The following RUNDC3B variants were observed in gnomAD, a reference collection of about 807,000 sequenced individuals.
The protein encoded by RUNDC3B is RUN domain containing 3B, also known as RUN domain-containing protein 3B.
A neutral mutation model predicts 58.4 loss-of-function variants in RUNDC3B; 33 were observed. That is an observed-to-expected ratio of 0.56 (90% CI 0.43 to 0.75). The LOEUF is 0.75. Ranked by LOEUF, RUNDC3B falls within the 30% of genes least tolerant of loss-of-function variation. RUNDC3B has a pLI of 0.00. For synonymous variants in RUNDC3B, 193 were observed against 195.2 expected (o/e 0.99, Z 0.10); for missense variants, 501 against 535.7 (o/e 0.94, Z 0.64).
chr7:87,734,845 C>T (rs1228454411), intron 4 of RUNDC3B, among the ~76,000 whole-genome samples: 2 of 152,218 alleles, frequency 1.3e-5, no homozygotes, highest in East Asian at 3.8e-4. Flanking sequence ...TTGAAAAAAT[C>T]TCTTCACCTT....
At position 87,710,641 on chromosome 7, in the gene RUNDC3B, C is replaced by T; in HGVS notation, c.444C>T (p.Asp148=). The T allele has an allele frequency of 6.3e-7, 1 of 1,582,686 alleles. No individual in the cohort carries two copies. The highest frequency in any genetic ancestry group is 1.8e-4 in the Middle Eastern group (1 of 5,436). Residue 148 remains aspartate (D), a synonymous_variant, in exon 4 of 11, where the codon GAC becomes GAT. Transcript: ENST00000394654. ...LSEYISTALR[D]FKTTRRFYED... is the part of the protein sequence containing the mutation. Reference sequence around the variant, plus strand: ...AATACATCTCTACAGCTCTGAGAGACTTCAAAACAACCAGGTTTAAAAGTC... The same window carrying T: ...AATACATCTCTACAGCTCTGAGAGATTTCAAAACAACCAGGTTTAAAAGTC...
Position 87,816,249 on chromosome 7 carries a change from T to C in RUNDC3B, c.1212T>C (p.Asn404=), listed in dbSNP as rs769658248. 2.5e-5 allele frequency: 41 copies of C among 1,610,796 alleles called. No homozygotes were observed. Among genetic ancestry groups the C allele is most frequent in the Middle Eastern group, 3.3e-4 (2 of 6,072 alleles). ...GAGATGGAAAACAAGACACATTAAA[T>C]GTAATGAGTGAAGGTAAGAAAACAA... ...QEGDGKQDTL[N]VMSEGKEDTP... Residue 404 remains asparagine, a synonymous_variant, in exon 10 of 11, where the codon AAT becomes AAC. Transcript: ENST00000394654.
intron 8 of RUNDC3B, among the ~76,000 whole-genome samples, chr7:87,793,823 G>T (rs1272989208): frequency 6.6e-6 from 1 of 152,094 alleles, no homozygotes; most frequent in Non-Finnish European, 1.5e-5. Flanking sequence ...AGTACTGGAA[G>T]TCCTAGCTAG....
At chr7:87,695,731 G>T (rs1474967044) in intron 2 of RUNDC3B, among the ~76,000 whole-genome samples, 1 of 152,072 alleles carries the variant, frequency 6.6e-6, no homozygotes, top group African/African-American at 2.4e-5. Context: ...ATTATGAAAA[G>T]ATCTTGTGTC....
chr7:87,665,001 C>T (rs992003031), intron 2 of RUNDC3B, among the ~76,000 whole-genome samples: 1 of 152,090 alleles, frequency 6.6e-6, no homozygotes, highest in African/African-American at 2.4e-5. Flanking sequence ...GCATCATATT[C>T]AGTGGTAAAA....
At chr7:87,737,634 A>G (rs1832064991) in intron 4 of RUNDC3B, among the ~76,000 whole-genome samples, 1 of 152,092 alleles carries the variant, frequency 6.6e-6, no homozygotes, top group African/African-American at 2.4e-5. Flanking sequence ...CTGAAAAATA[A>G]TGTTTTTCTT....
chr7:87,798,959 A>G (rs1199493320), intron 8 of RUNDC3B, among the ~76,000 whole-genome samples: 1 of 152,210 alleles, frequency 6.6e-6, no homozygotes, highest in Non-Finnish European at 1.5e-5. Flanking sequence ...TTATCCCATG[A>G]CTATGTCTAA....
At chr7:87,751,054 G>T (rs1832951303) in intron 6 of RUNDC3B, among the ~76,000 whole-genome samples, 1 of 152,092 alleles carries the variant, frequency 6.6e-6, no homozygotes, top group Non-Finnish European at 1.5e-5. Context: ...ATTGATTTTT[G>T]TATAAGGTGT....
At chr7:87,668,661 T>G (rs944894779) in intron 2 of RUNDC3B, among the ~76,000 whole-genome samples, 1 of 152,158 alleles carries the variant, frequency 6.6e-6, no homozygotes, top group Admixed American at 6.6e-5. Context: ...GTCTCAGAGA[T>G]TCTGGTATGT....
At chr7:87,766,923 G>A (rs1289912635) in intron 6 of RUNDC3B, among the ~76,000 whole-genome samples, 5 of 151,994 alleles carry the variant, frequency 3.3e-5, no homozygotes, top group African/African-American at 1.2e-4. Context: ...AATGTTTCTT[G>A]AAGGCTTTGT....
intron 2 of RUNDC3B, among the ~76,000 whole-genome samples, chr7:87,667,941 A>G (rs1825431609): frequency 6.6e-6 from 1 of 151,732 alleles, no homozygotes; most frequent in Admixed American, 6.6e-5. Context: ...TCAGCCTGAA[A>G]TTTTCTTTTT....
Position 87,807,492 on chromosome 7 carries a change from A to G in RUNDC3B, c.1076A>G (p.Tyr359Cys). 6.2e-7 allele frequency: 1 copy of G among 1,613,686 alleles called. No individual in the cohort carries two copies. Among genetic ancestry groups the G allele is most frequent in the Middle Eastern group, 1.7e-4 (1 of 6,060 alleles). Residue 359 changes from tyrosine (Y) to cysteine (C), a missense_variant, in exon 9 of 11, where the codon TAC (tyrosine) becomes TGC (cysteine). Transcript: ENST00000394654. ...GCTGTTGCCTTGGATACGTTGCTTT[A>G]CCGAAAACACAATAAACAGTGGTAT... The part of the protein sequence containing the change: ...VNAVALDTLL[Y>C]RKHNKQWYEK...
At chr7:87,733,117 T>C (rs973988466) in intron 4 of RUNDC3B, among the ~76,000 whole-genome samples, 26 of 150,814 alleles carry the variant, frequency 1.7e-4, no homozygotes, top group African/African-American at 4.8e-4. Context: ...CCCTATCTTA[T>C]CCATATGGAC....
intron 2 of RUNDC3B, 122 bp from the exon 3 acceptor site, chr7:87,700,299 G>A (rs559015281): frequency 1.4e-6 from 1 of 723,674 alleles, no homozygotes; most frequent in African/African-American, 1.8e-5. Flanking sequence ...TAGATTGGTG[G>A]TGCCCTTGCC....
Position 87,636,002 on chromosome 7 carries a change from C to A in RUNDC3B, c.122+7057C>A, listed in dbSNP as rs1188207041. 3.9e-5 allele frequency among the ~76,000 whole-genome samples: 6 copies of A among 152,142 alleles called. No individual in the cohort carries two copies. In the East Asian group the frequency reaches 1.2e-3, roughly 29 times the overall value. ...ATATTTCCATTCTGTCACTGACTGT[C>A]ATCTGAGTTGTTTCTACTTTTTGAC... On this transcript the variant is annotated intron_variant, in intron 1 of 10. Coordinates refer to ENST00000394654, the MANE Select transcript of RUNDC3B (RefSeq NM_001134405.2).
In RUNDC3B at chr7:87,796,224, T is replaced by C. The variant is rs1835812269; in HGVS notation, c.957-11149T>C. 3.3e-5 allele frequency among the ~76,000 whole-genome samples: 5 copies of C among 152,292 alleles called. No individual in the cohort carries two copies. The South Asian group carries it at 1.0e-3, about 32-fold the overall frequency. On this transcript the variant is annotated intron_variant, in intron 8 of 10. Transcript: ENST00000394654. The stretch of plus-strand genomic sequence containing the variant: ...CAGGAAGAGAAAGAAAAATATTCCA[T>C]GTTATCACATATTTTTGGTATATAA...
intron 3 of RUNDC3B, among the ~76,000 whole-genome samples, chr7:87,708,340 C>A (rs1829784770): frequency 6.6e-6 from 1 of 151,784 alleles, no homozygotes; most frequent in African/African-American, 2.4e-5. Context: ...ATTAAAAATC[C>A]TAAAAGAGGA....
intron 2 of RUNDC3B, among the ~76,000 whole-genome samples, chr7:87,677,336 A>T (rs1190557024): frequency 1.0e-4 from 12 of 115,372 alleles, no homozygotes; most frequent in South Asian, 2.4e-4. Context: ...TTTCAGATTT[A>T]AAAAAAAAAA....
rs1762329508 is a variant in RUNDC3B at position 87,628,616 on chromosome 7, TG to T, written c.-207del. 4 of 315,328 alleles carry T rather than the reference TG, an allele frequency of 1.3e-5. No individual in the cohort carries two copies. The highest frequency in any genetic ancestry group is 6.7e-5 in the African/African-American group (3 of 44,476). The allele number at this position is 315,328 out of a possible 1,614,324, so 19.5% of individuals were successfully genotyped here. ...GTGTGTGTGTGTGTGTGTGTGTGTG[TG>T]TGTGTGTGGAGCTCGGGTGCCAAGG... On this transcript the variant is annotated 5_prime_UTR_variant, in exon 1 of 11. Coordinates refer to ENST00000394654, the MANE Select transcript of RUNDC3B (RefSeq NM_001134405.2).
Sources: allele counts gnomAD v4.1 joint callset (sites outside exome capture counted in the v4.1 genomes callset), GRCh38; gene constraint gnomAD v4.1.1; transcripts MANE v1.5; gene names NCBI Gene and HGNC (gene_info 2026-07-23, HGNC 2026-07-21).